The following XRCC1 variants were observed in gnomAD, a reference collection of about 807,000 sequenced individuals.
The protein encoded by XRCC1 is X-ray repair cross complementing 1.
A neutral mutation model predicts 83.3 loss-of-function variants in XRCC1; 52 were observed. The observed-to-expected ratio is 0.62, with a 90% confidence interval of 0.50 to 0.79. The LOEUF is 0.79. Ranked by LOEUF, XRCC1 falls within the 30% of genes least tolerant of loss-of-function variation. The pLI is 0.00. For synonymous variants in XRCC1, 281 were observed against 312.6 expected (o/e 0.90, Z 1.07); for missense variants, 793 against 823.5 (o/e 0.96, Z 0.45).
At chr19:43,548,667 CCAGAG>C (rs1972543359) in intron 10 of XRCC1, among the ~76,000 whole-genome samples, 1 of 150,768 alleles carries the variant, frequency 6.6e-6, no homozygotes, top group South Asian at 2.1e-4. Context: ...CCTAGGAAAG[CCAGAG>C]ACCTTTGTTC....
At chr19:43,554,523 C>T in intron 4 of XRCC1, 123 bp downstream of exon 4, 2 of 1,259,074 alleles carry the variant, frequency 1.6e-6, no homozygotes, top group Non-Finnish European at 2.1e-6. Flanking sequence ...GACCCAGCCT[C>T]CCCATAATCC....
At position 43,545,868 on chromosome 19, in the gene XRCC1, T is replaced by C; in HGVS notation, c.1571A>G (p.Asp524Gly). 6.2e-7 allele frequency: 1 copy of C among 1,613,200 alleles called. No individual in the cohort carries two copies. The change falls in exon 14 of 17, where the codon GAC becomes GGC. Residue 524 changes from aspartate (D) to glycine (G), a missense_variant. Transcript: ENST00000262887. Reference sequence around the variant, plus strand: ...AGGAGGCTCCTGGTGTTCCTCACTGTCCGTGTTCTCATCCGTGGAGCCTGC... The same window carrying C: ...AGGAGGCTCCTGGTGTTCCTCACTGCCCGTGTTCTCATCCGTGGAGCCTGC... ...PYAGSTDENT[D>G]SEEHQEPPDL... is the part of the protein sequence containing the mutation.
At chr19:43,544,022 G>A in intron 15 of XRCC1, 122 bp downstream of exon 15, 1 of 980,770 alleles carries the variant, frequency 1.0e-6, no homozygotes, top group Non-Finnish European at 1.5e-6. Flanking sequence ...CCACCTGCTG[G>A]GCATGGCCCT....
chr19:43,554,811 G>A lies in XRCC1; in HGVS notation c.256-7C>T, dbSNP rs1972619777. 1 of 1,608,428 alleles carries A rather than the reference G, an allele frequency of 6.2e-7. No individual in the cohort carries two copies. The highest frequency in any genetic ancestry group is 1.1e-5 in the South Asian group (1 of 90,792). On this transcript the variant is annotated splice_region_variant and splice_polypyrimidine_tract_variant and intron_variant, in intron 3 of 16. Transcript: ENST00000262887. ...ATGAGGTGACCAGAAGGACCTGGGTGGGAGAAGCCACAGTGCATGAGAACC... is the reference window on the plus strand; with the variant it reads ...ATGAGGTGACCAGAAGGACCTGGGTAGGAGAAGCCACAGTGCATGAGAACC...
chr19:43,557,265 C>CAT (rs1972647104), intron 3 of XRCC1, among the ~76,000 whole-genome samples: 1 of 143,428 alleles, frequency 7.0e-6, no homozygotes. Flanking sequence ...GCCAAGATTG[C>CAT]GCCACTGCAC....
chr19:43,570,183 TAAC>T (rs1226037270), intron 2 of XRCC1, among the ~76,000 whole-genome samples: 1 of 152,264 alleles, frequency 6.6e-6, no homozygotes, highest in African/African-American at 2.4e-5. Flanking sequence ...AGAAAACCAA[TAAC>T]AATCAAAAAT....
At chr19:43,571,406 C>T (rs973968480) in intron 2 of XRCC1, among the ~76,000 whole-genome samples, 38 of 152,344 alleles carry the variant, frequency 2.5e-4, no homozygotes, top group African/African-American at 9.1e-4. Flanking sequence ...CTCTCATTCC[C>T]CTTCATTAAG....
chr19:43,554,317 C>T (rs759267041), intron 4 of XRCC1, among the ~76,000 whole-genome samples: 10 of 152,144 alleles, frequency 6.6e-5, no homozygotes, highest in African/African-American at 2.4e-5. Flanking sequence ...ATAGCCAGGA[C>T]GTGAACTCAG....
intron 2 of XRCC1, among the ~76,000 whole-genome samples, chr19:43,566,184 C>G (rs1292026188): frequency 1.3e-5 from 2 of 150,748 alleles, no homozygotes; most frequent in African/African-American, 4.9e-5. Context: ...TGCAGCGAAC[C>G]GAAATCATGC....
chr19:43,559,343 C>A (rs552467308), intron 3 of XRCC1, among the ~76,000 whole-genome samples: 1 of 150,144 alleles, frequency 6.7e-6, no homozygotes, highest in Non-Finnish European at 1.5e-5. Context: ...ATTAGCCGGG[C>A]ATGGTGGCAC....
chr19:43,549,655 C>A (rs917542941), intron 10 of XRCC1, among the ~76,000 whole-genome samples: 7 of 152,140 alleles, frequency 4.6e-5, no homozygotes, highest in African/African-American at 1.7e-4. Context: ...CTCCTGGGCT[C>A]AAGTGATCCT....
At chr19:43,563,113 T>C (rs1376845457) in intron 2 of XRCC1, among the ~76,000 whole-genome samples, 1 of 152,158 alleles carries the variant, frequency 6.6e-6, no homozygotes, top group Admixed American at 6.5e-5. Context: ...CCGGCAGACC[T>C]CCTGCTGACT....
chr19:43,558,684 G>A (rs1298193685), intron 3 of XRCC1, among the ~76,000 whole-genome samples: 1 of 151,412 alleles, frequency 6.6e-6, no homozygotes. Flanking sequence ...AAATAATATG[G>A]TTAAAAAAAG....
At chr19:43,566,878 C>CAAAAAAA (rs76309782) in intron 2 of XRCC1, among the ~76,000 whole-genome samples, 8 of 98,722 alleles carry the variant, frequency 8.1e-5, no homozygotes, top group Non-Finnish European at 1.3e-4. Context: ...GACTCAATCT[C>CAAAAAAA]AAAAAAAAAA....
At chr19:43,569,963 T>G (rs1568519014) in intron 2 of XRCC1, among the ~76,000 whole-genome samples, 1 of 152,200 alleles carries the variant, frequency 6.6e-6, no homozygotes, top group East Asian at 1.9e-4. Context: ...TGGTTACCCT[T>G]GCAGGGGTAC....
Position 43,574,987 on chromosome 19 carries a change from T to C in XRCC1, c.67A>G (p.Asn23Asp). ...CGGTAAGTGTCTGCCTTGAGAAGAT[T>C]TTCTGCACAGTGAGTCTGGAAACAA... ...SSQDSTHCAE[N>D]LLKADTYRKW... The change falls in exon 2 of 17, where the codon AAT (asparagine) becomes GAT (aspartate). Residue 23 changes from asparagine to aspartate, a missense_variant. Asn to Asp is a conservative substitution (Grantham distance 23). Transcript: ENST00000262887. The C allele has an allele frequency of 6.2e-7, 1 of 1,613,998 alleles. No homozygotes were observed. Among genetic ancestry groups the C allele is most frequent in the Non-Finnish European group, 8.5e-7 (1 of 1,179,946 alleles).
At chr19:43,561,510 T>C (rs1972698836) in intron 2 of XRCC1, among the ~76,000 whole-genome samples, 1 of 152,196 alleles carries the variant, frequency 6.6e-6, no homozygotes, top group Admixed American at 6.5e-5. Context: ...TGTATGACCA[T>C]ACCAGTTAAC....
At chr19:43,544,842 C>CGGG (rs10664658) in intron 14 of XRCC1, among the ~76,000 whole-genome samples, 36 of 150,310 alleles carry the variant, frequency 2.4e-4, no homozygotes, top group African/African-American at 8.6e-4. Flanking sequence ...AGGCGGGGGT[C>CGGG]GGGGGGGGTC....
At chr19:43,574,757 G>A in intron 2 of XRCC1, 153 bp downstream of exon 2, 1 of 640,126 alleles carries the variant, frequency 1.6e-6, no homozygotes, top group Non-Finnish European at 2.8e-6. Flanking sequence ...TCTCTGCTGA[G>A]GGGCACAGGG....
Sources: allele counts gnomAD v4.1 joint callset (sites outside exome capture counted in the v4.1 genomes callset), GRCh38; gene constraint gnomAD v4.1.1; transcripts MANE v1.5; gene names NCBI Gene and HGNC (gene_info 2026-07-23, HGNC 2026-07-21).